COL4A2: variants seen among roughly 807,000 people sequenced by gnomAD.
The protein encoded by COL4A2 is collagen type IV alpha 2 chain.
A neutral mutation model predicts 200.2 loss-of-function variants in COL4A2; 99 were observed. The ratio of observed to expected loss-of-function variants is 0.49; its 90% CI spans 0.42 to 0.58. COL4A2 has a LOEUF of 0.58. COL4A2 is among the 20% of genes least tolerant of loss of function. The pLI is 0.00. For synonymous variants in COL4A2, 897 were observed against 900.6 expected, an observed-to-expected ratio of 1.00 and a Z score of 0.07; for missense variants, 1,950 against 2,314.1, an observed-to-expected ratio of 0.84 and a Z score of 3.23.
chr13:110,506,108 T>C (rs1488535314), intron 45 of COL4A2, among the ~76,000 whole-genome samples: 1 of 152,174 alleles, frequency 6.6e-6, no homozygotes, highest in Admixed American at 6.5e-5. Flanking sequence ...CCGAGGTTTC[T>C]GTGGGGCGGC....
intron 22 of COL4A2, among the ~76,000 whole-genome samples, chr13:110,461,635 C>T (rs138449950): frequency 0.016 from 2,405 of 152,316 alleles, 32 homozygotes; most frequent in Non-Finnish European, 0.023. Flanking sequence ...ACTCTCCTGC[C>T]TCAGCCTCCC....
chr13:110,331,591 G>T (rs9588141), intron 3 of COL4A2, among the ~76,000 whole-genome samples: 18,040 of 152,170 alleles, frequency 0.12, 1,991 homozygotes, highest in African/African-American at 0.29. Flanking sequence ...ACAGACCGCC[G>T]GCAGCTCTTG....
At chr13:110,501,482 C>T (rs1257890099) in intron 40 of COL4A2, among the ~76,000 whole-genome samples, 186 bp from the exon 41 acceptor site, 6 of 152,006 alleles carry the variant, frequency 3.9e-5, no homozygotes, top group African/African-American at 7.2e-5. Flanking sequence ...GCCCCTGCCC[C>T]CCCAACCCCG....
chr13:110,368,853 G>T lies in COL4A2; in HGVS notation c.180+11301G>T, dbSNP rs200619936. ...ATCAACTAAGGCCAAAGAAAAGGGG[G>T]GGGGGGGGTTGAGCTCAATAATAGC... On this transcript the variant is annotated intron_variant, in intron 4 of 47. Coordinates refer to ENST00000360467, the MANE Select transcript of COL4A2 (RefSeq NM_001846.4). Among the ~76,000 whole-genome samples, 7 of 52,700 alleles carry T rather than the reference G, an allele frequency of 1.3e-4. No individual in the cohort carries two copies. The East Asian group carries it at 2.7e-3, about 20-fold the overall frequency. The allele number at this position is 52,700 out of a possible 152,430, so 34.6% of individuals were successfully genotyped here.
At chr13:110,324,726 G>A (rs1405660886) in intron 3 of COL4A2, among the ~76,000 whole-genome samples, 1 of 152,196 alleles carries the variant, frequency 6.6e-6, no homozygotes, top group Non-Finnish European at 1.5e-5. Flanking sequence ...GGGCTCTTCT[G>A]GCCTCGGGAT....
At chr13:110,502,185 C>T (rs891578483) in intron 41 of COL4A2, among the ~76,000 whole-genome samples, 2 of 152,192 alleles carry the variant, frequency 1.3e-5, no homozygotes, top group Admixed American at 6.5e-5. Context: ...AGTGTTTGTG[C>T]GTCAAGGTTC....
chr13:110,483,945 A>G (rs2139526953), intron 32 of COL4A2, among the ~76,000 whole-genome samples: 1 of 152,298 alleles, frequency 6.6e-6, no homozygotes, highest in Non-Finnish European at 1.5e-5. Context: ...TGTTTTGGAA[A>G]ACCTTAATTA....
chr13:110,319,129 G>A (rs185974572), intron 3 of COL4A2, among the ~76,000 whole-genome samples: 5 of 152,124 alleles, frequency 3.3e-5, no homozygotes, highest in East Asian at 3.9e-4. Flanking sequence ...CCTGTGGGGG[G>A]AGGTTTTAGT....
At chr13:110,412,125 AAC>A (rs1311183273) in intron 4 of COL4A2, among the ~76,000 whole-genome samples, 18 of 152,230 alleles carry the variant, frequency 1.2e-4, no homozygotes, top group Admixed American at 9.2e-4. Flanking sequence ...ACAAATTTGG[AAC>A]ACTTTCCTTT....
intron 16 of COL4A2, among the ~76,000 whole-genome samples, chr13:110,440,918 C>T: frequency 6.6e-6 from 1 of 152,246 alleles, no homozygotes; most frequent in East Asian, 1.9e-4. Flanking sequence ...CTGCTCTGCC[C>T]AGTGCCCCTT....
At chr13:110,437,634 G>A (rs1378435612) in intron 13 of COL4A2, among the ~76,000 whole-genome samples, 1 of 152,152 alleles carries the variant, frequency 6.6e-6, no homozygotes. Flanking sequence ...TCCTAGTAAT[G>A]TTTTCTTCCG....
At chr13:110,447,374 A>C (rs1168642281) in intron 18 of COL4A2, among the ~76,000 whole-genome samples, 5 of 152,160 alleles carry the variant, frequency 3.3e-5, no homozygotes, top group Non-Finnish European at 7.3e-5. Context: ...ATTTACACAT[A>C]ACAACCACTC....
At chr13:110,308,707 C>T (rs1884882627) in intron 3 of COL4A2, among the ~76,000 whole-genome samples, 1 of 152,108 alleles carries the variant, frequency 6.6e-6, no homozygotes, top group Non-Finnish European at 1.5e-5. Flanking sequence ...CCGGGCGCCA[C>T]ACTGGGATCC....
intron 16 of COL4A2, among the ~76,000 whole-genome samples, chr13:110,440,087 A>G (rs1566534266): frequency 1.3e-5 from 2 of 152,084 alleles, no homozygotes; most frequent in Admixed American, 1.3e-4. Flanking sequence ...CCCACCAGCC[A>G]TGGTTTCTAT....
chr13:110,432,646 C>T (rs949226621), intron 11 of COL4A2, among the ~76,000 whole-genome samples: 2 of 152,176 alleles, frequency 1.3e-5, no homozygotes, highest in Non-Finnish European at 2.9e-5. Context: ...TTGATTGAAA[C>T]GAAGATTAGA....
chr13:110,357,934 G>A (rs1171720460), intron 4 of COL4A2, among the ~76,000 whole-genome samples: 1 of 152,226 alleles, frequency 6.6e-6, no homozygotes, highest in African/African-American at 2.4e-5. Flanking sequence ...GTGCGTGGAT[G>A]TGAAGGCCTG....
At chr13:110,405,465 T>C (rs1476192065) in intron 4 of COL4A2, among the ~76,000 whole-genome samples, 1 of 140,800 alleles carries the variant, frequency 7.1e-6, no homozygotes, top group Non-Finnish European at 1.5e-5. Flanking sequence ...CCCTTCTGGC[T>C]TTCTGCTCCA....
intron 3 of COL4A2, among the ~76,000 whole-genome samples, chr13:110,320,463 C>G (rs1885248045): frequency 6.6e-6 from 1 of 152,138 alleles, no homozygotes; most frequent in Non-Finnish European, 1.5e-5. Context: ...GGAAGGAAGT[C>G]AGATTAGTCA....
chr13:110,387,795 C>T (rs1157900323), intron 4 of COL4A2, among the ~76,000 whole-genome samples: 1 of 152,222 alleles, frequency 6.6e-6, no homozygotes, highest in Non-Finnish European at 1.5e-5. Context: ...CCCCAGGCCC[C>T]TCCCGCCCAG....
Sources: gnomAD v4.1 joint callset for allele counts (sites outside exome capture counted in the v4.1 genomes callset) on GRCh38, gnomAD v4.1.1 for gene constraint, MANE v1.5 for transcripts, NCBI Gene and HGNC (gene_info 2026-07-23, HGNC 2026-07-21) for gene names.